Variants in MSI2 observed in about 807,000 individuals in gnomAD.
MSI2 encodes the protein RNA-binding protein Musashi homolog 2.
Under a neutral mutation model 45.6 loss-of-function variants are expected in MSI2, and 17 were observed. That is an observed-to-expected ratio of 0.37 (90% CI 0.26 to 0.56). MSI2 has a LOEUF of 0.56. Among genes scored for constraint, MSI2 ranks in the 20% least tolerant of loss-of-function variants. The pLI, the probability that MSI2 is intolerant of heterozygous loss-of-function variation, is 0.77. For synonymous variants in MSI2, 156 were observed against 158.2 expected, an observed-to-expected ratio of 0.99 and a Z score of 0.11; for missense variants, 293 against 444.2, an observed-to-expected ratio of 0.66 and a Z score of 3.06.
At chr17:57,542,160 C>T (rs1338344588) in intron 7 of MSI2, among the ~76,000 whole-genome samples, 3 of 152,140 alleles carry the variant, frequency 2.0e-5, no homozygotes, top group Non-Finnish European at 4.4e-5. Flanking sequence ...CTTGCCACCC[C>T]GCTGCTGGGT....
chr17:57,257,004 C>A, intron 1 of MSI2, 94 bp from the exon 2 acceptor site: 1 of 1,594,046 alleles, frequency 6.3e-7, no homozygotes, highest in Non-Finnish European at 8.5e-7. Context: ...CGCTCGCTCG[C>A]TCCCCCCCGC....
intron 5 of MSI2, among the ~76,000 whole-genome samples, chr17:57,386,311 A>G (rs1480190716): frequency 4.6e-5 from 7 of 152,082 alleles, no homozygotes; most frequent in Non-Finnish European, 1.5e-5. Flanking sequence ...TGTTCTTCGT[A>G]GGAACAAAGC....
intron 6 of MSI2, among the ~76,000 whole-genome samples, chr17:57,492,133 C>G (rs2085884868): frequency 6.6e-6 from 1 of 152,114 alleles, no homozygotes; most frequent in South Asian, 2.1e-4. Context: ...TTGCCTAAGT[C>G]TTTCATTTGT....
At chr17:57,339,482 G>A (rs906922523) in intron 5 of MSI2, among the ~76,000 whole-genome samples, 13 of 152,104 alleles carry the variant, frequency 8.5e-5, no homozygotes, top group African/African-American at 2.9e-4. Context: ...GGTTTGGGCT[G>A]CTCCTCCCTC....
intron 10 of MSI2, chr17:57,631,941 C>T (rs1186325350): frequency 6.7e-7 from 1 of 1,502,586 alleles, no homozygotes; most frequent in African/African-American, 1.4e-5. Context: ...GAAAGTCTGT[C>T]TTAGCTGCCT....
chr17:57,359,349 A>G (rs1403951822), intron 5 of MSI2, among the ~76,000 whole-genome samples: 1 of 152,094 alleles, frequency 6.6e-6, no homozygotes, highest in African/African-American at 2.4e-5. Flanking sequence ...TACAAGGGAG[A>G]TAGAATAGGG....
chr17:57,564,487 C>T (rs898510083), intron 7 of MSI2, among the ~76,000 whole-genome samples: 4 of 152,142 alleles, frequency 2.6e-5, no homozygotes, highest in Non-Finnish European at 5.9e-5. Context: ...AGTAAGCACA[C>T]GAGGTTGGGG....
At chr17:57,576,827 G>A (rs1425200486) in intron 7 of MSI2, among the ~76,000 whole-genome samples, 4 of 151,882 alleles carry the variant, frequency 2.6e-5, no homozygotes, top group Non-Finnish European at 5.9e-5. Context: ...GTTGGGCAGG[G>A]CGAGATTTTG....
chr17:57,369,106 A>G (rs1290574553), intron 5 of MSI2, among the ~76,000 whole-genome samples: 2 of 152,138 alleles, frequency 1.3e-5, no homozygotes, highest in East Asian at 1.9e-4. Flanking sequence ...GCTTTGCTCT[A>G]CTGATGGTTG....
intron 5 of MSI2, among the ~76,000 whole-genome samples, chr17:57,394,428 A>C (rs1024607208): frequency 3.3e-5 from 5 of 152,218 alleles, no homozygotes; most frequent in Admixed American, 2.6e-4. Context: ...TGCATACCTC[A>C]GGCCTGGCCC....
At chr17:57,301,091 A>G (rs961324481) in intron 5 of MSI2, among the ~76,000 whole-genome samples, 1 of 152,192 alleles carries the variant, frequency 6.6e-6, no homozygotes, top group African/African-American at 2.4e-5. Context: ...TCCTTATGTA[A>G]CAAAACATCC....
intron 6 of MSI2, among the ~76,000 whole-genome samples, chr17:57,483,650 G>A (rs2085693735): frequency 6.6e-6 from 1 of 152,212 alleles, no homozygotes. Context: ...TCTGAGGAGG[G>A]ATCTGGGCCA....
intron 10 of MSI2, among the ~76,000 whole-genome samples, chr17:57,644,498 G>T (rs1189891671): frequency 6.6e-6 from 1 of 152,120 alleles, no homozygotes. Flanking sequence ...TGGTCTGCCC[G>T]GGAGGTGGGA....
intron 6 of MSI2, among the ~76,000 whole-genome samples, chr17:57,481,943 T>G (rs1046098574): frequency 6.6e-6 from 1 of 152,234 alleles, no homozygotes; most frequent in Non-Finnish European, 1.5e-5. Context: ...CAGTAAATTA[T>G]TCATTTAACA....
chr17:57,501,041 G>A (rs530509640), intron 6 of MSI2, among the ~76,000 whole-genome samples: 1 of 152,146 alleles, frequency 6.6e-6, no homozygotes, highest in Non-Finnish European at 1.5e-5. Context: ...GTTTCCATGT[G>A]TGTAAATGCT....
At chr17:57,332,811 G>A (rs1914378107) in intron 5 of MSI2, among the ~76,000 whole-genome samples, 2 of 152,194 alleles carry the variant, frequency 1.3e-5, no homozygotes, top group South Asian at 4.1e-4. Context: ...GGATCACGAG[G>A]TCAAGAGATC....
At chr17:57,323,508 T>G (rs906441851) in intron 5 of MSI2, among the ~76,000 whole-genome samples, 2 of 152,248 alleles carry the variant, frequency 1.3e-5, no homozygotes, top group Non-Finnish European at 2.9e-5. Context: ...TTTGCCCTCC[T>G]GTCCCTGCAG....
At chr17:57,409,257 GC>G (rs2084143182) in intron 6 of MSI2, among the ~76,000 whole-genome samples, 1 of 152,122 alleles carries the variant, frequency 6.6e-6, no homozygotes, top group Non-Finnish European at 1.5e-5. Context: ...ATAGCTTTTA[GC>G]TGATTATTTT....
intron 6 of MSI2, among the ~76,000 whole-genome samples, chr17:57,410,022 A>AAAAAAAAAG (rs1226110048): frequency 6.7e-6 from 1 of 150,240 alleles, no homozygotes. Flanking sequence ...AAAAAAAAAA[A>AAAAAAAAAG]AAATGGGGAG....
Sources: gnomAD v4.1 joint callset for allele counts (sites outside exome capture counted in the v4.1 genomes callset) on GRCh38, gnomAD v4.1.1 for gene constraint, MANE v1.5 for transcripts, NCBI Gene and HGNC (gene_info 2026-07-23, HGNC 2026-07-21) for gene names.